Variants in ATF3 observed in about 807,000 individuals in gnomAD.
ATF3 encodes the protein activating transcription factor 3, also known as cyclic AMP-dependent transcription factor ATF-3.
ATF3 carries 10 observed loss-of-function variants against 18.4 expected under a neutral mutation model. The observed-to-expected ratio is 0.54, with a 90% CI of 0.34 to 0.92. ATF3 has a LOEUF of 0.92. Ranked by LOEUF, ATF3 falls within the 40% of genes least tolerant of loss-of-function variation. The pLI is 0.02. For synonymous variants in ATF3, 78 were observed against 87.9 expected (o/e 0.89, Z 0.63); for missense variants, 183 against 222.3 (o/e 0.82, Z 1.12).
chr1:212,614,996 TG>T, intron 1 of ATF3, 21 bp from the exon 2 acceptor site: 1 of 1,614,116 alleles, frequency 6.2e-7, no homozygotes, highest in South Asian at 1.1e-5. Context: ...TGAAACAGTT[TG>T]GGTTTCAATG....
Position 212,596,273 on chromosome 1 carries a change from A to G in ATF3, c.-4-18745A>G, listed in dbSNP as rs563365723. The stretch of plus-strand genomic sequence containing the variant: ...AGGCTAACTTTCCCCTGTGTAACAT[A>G]AGTGCCTACTGATCTTTATCACTAG... On this transcript the variant is annotated intron_variant, in intron 1 of 3. Transcript: ENST00000366981. Among the ~76,000 whole-genome samples, 3 of 152,354 alleles carry G rather than the reference A, an allele frequency of 2.0e-5. No individual in the cohort carries two copies. In the South Asian group the frequency reaches 6.2e-4, roughly 32 times the overall value.
chr1:212,590,669 A>G (rs1367895703), intron 1 of ATF3, among the ~76,000 whole-genome samples: 1 of 152,248 alleles, frequency 6.6e-6, no homozygotes, highest in African/African-American at 2.4e-5. Flanking sequence ...GTGTGAACAC[A>G]GAGCCATAAA....
At chr1:212,615,356 A>G (rs1399924394) in intron 2 of ATF3, 95 bp downstream of exon 2, 1 of 1,468,686 alleles carries the variant, frequency 6.8e-7, no homozygotes, top group Non-Finnish European at 9.2e-7. Context: ...TGTTGTTGAG[A>G]GTGAAACAAA....
At chr1:212,612,789 G>C (rs1654949801) in intron 1 of ATF3, among the ~76,000 whole-genome samples, 2 of 152,118 alleles carry the variant, frequency 1.3e-5, no homozygotes, top group African/African-American at 4.8e-5. Context: ...TTGAAGTCAG[G>C]GTATTCTATT....
intron 1 of ATF3, among the ~76,000 whole-genome samples, chr1:212,569,712 C>T (rs1392532974): frequency 6.6e-6 from 1 of 150,630 alleles, no homozygotes; most frequent in Non-Finnish European, 1.5e-5. Flanking sequence ...ACAGGAGTTC[C>T]AATTAATGTA....
chr1:212,586,757 AT>A (rs1664786492), intron 1 of ATF3, among the ~76,000 whole-genome samples: 1 of 152,232 alleles, frequency 6.6e-6, no homozygotes. Flanking sequence ...TTACCTTTGA[AT>A]TTTATGGGAA....
chr1:212,567,844 C>T (rs1029067261), intron 1 of ATF3, among the ~76,000 whole-genome samples: 4 of 152,096 alleles, frequency 2.6e-5, no homozygotes, highest in African/African-American at 4.8e-5. Context: ...TTCTGAGAGC[C>T]GTGGAGTGCA....
At chr1:212,580,050 G>A (rs567677069) in intron 1 of ATF3, among the ~76,000 whole-genome samples, 6 of 148,870 alleles carry the variant, frequency 4.0e-5, no homozygotes, top group African/African-American at 1.6e-4. Context: ...TGGAGGCTGA[G>A]GCAGGAGAAT....
intron 1 of ATF3, among the ~76,000 whole-genome samples, chr1:212,611,380 G>A (rs1654887978): frequency 1.3e-5 from 2 of 152,212 alleles, no homozygotes; most frequent in South Asian, 4.1e-4. Context: ...AGTCACAGTA[G>A]TAATGACTAC....
intron 1 of ATF3, among the ~76,000 whole-genome samples, chr1:212,590,611 T>C (rs1379647439): frequency 1.3e-5 from 2 of 152,182 alleles, no homozygotes; most frequent in Non-Finnish European, 2.9e-5. Context: ...CATATATTAC[T>C]TCAATTTTTA....
In ATF3 at chr1:212,619,728, CAGAGTGG is replaced by C; in HGVS notation, c.*174_*180del. 1.2e-6 allele frequency: 1 copy of C among 846,108 alleles called. No individual in the cohort carries two copies. Among genetic ancestry groups the C allele is most frequent in the Non-Finnish European group, 1.8e-6 (1 of 559,318 alleles). 52.4% of individuals were successfully genotyped at this position (846,108 alleles called of 1,614,324 possible). On this transcript the variant is annotated 3_prime_UTR_variant, in exon 4 of 4. Transcript: ENST00000341491. This position sits in a 1 kb window ranked among gnomAD's most constrained non-coding sequence, Gnocchi z 4.4. ...TCAGCAGGCCCTTCCCATTCTGCCC[CAGAGTGG>C]GTCTTGGACCAGGGCAAGTGCATCT...
chr1:212,580,662 G>A (rs1485425474), intron 1 of ATF3, among the ~76,000 whole-genome samples: 1 of 152,132 alleles, frequency 6.6e-6, no homozygotes. Context: ...CACTACTGAG[G>A]ACAAACATTA....
At position 212,587,365 on chromosome 1, in the gene ATF3, G is replaced by C. The variant is rs1269860498; in HGVS notation, c.-5+21882G>C. The stretch of plus-strand genomic sequence containing the variant: ...CCTGAGAACTAAAATATTCCTTTAT[G>C]ATATTGTTTCTATGGGAAAATATGT... On this transcript the variant is annotated intron_variant, in intron 1 of 3. Transcript: ENST00000366981. Among the ~76,000 whole-genome samples the C allele has an allele frequency of 3.9e-5, 6 of 152,296 alleles. No individual in the cohort carries two copies. In the South Asian group the frequency reaches 1.2e-3, roughly 32 times the overall value.
chr1:212,602,662 T>C (rs1319861758), intron 1 of ATF3, among the ~76,000 whole-genome samples: 1 of 152,216 alleles, frequency 6.6e-6, no homozygotes, highest in Non-Finnish European at 1.5e-5. Context: ...AAAATGGAGA[T>C]GTTTACGGTC....
intron 1 of ATF3, among the ~76,000 whole-genome samples, chr1:212,586,472 G>T (rs1664781945): frequency 6.6e-6 from 1 of 152,212 alleles, no homozygotes; most frequent in Non-Finnish European, 1.5e-5. Context: ...AGCACCAAGA[G>T]CAATGCCTGG....
intron 1 of ATF3, among the ~76,000 whole-genome samples, chr1:212,573,131 T>C (rs1664514767): frequency 6.6e-6 from 1 of 152,152 alleles, no homozygotes; most frequent in South Asian, 2.1e-4. Context: ...CCCTATTTCA[T>C]TGGTTAGAAC....
At chr1:212,571,977 G>T (rs1158099633) in intron 1 of ATF3, among the ~76,000 whole-genome samples, 47 of 151,856 alleles carry the variant, frequency 3.1e-4, no homozygotes, top group Admixed American at 3.1e-3. Flanking sequence ...CTCCCAAAGT[G>T]CTGGGATTAC....
intron 1 of ATF3, among the ~76,000 whole-genome samples, chr1:212,591,712 T>C (rs2102634360): frequency 6.6e-6 from 1 of 152,342 alleles, no homozygotes; most frequent in South Asian, 2.1e-4. Flanking sequence ...CTCATATACC[T>C]GAAATCCAGC....
chr1:212,569,172 G>T (rs75253824), intron 1 of ATF3, among the ~76,000 whole-genome samples: 1,666 of 151,068 alleles, frequency 0.011, 11 homozygotes, highest in Admixed American at 0.017. Flanking sequence ...CTCTCCCTCC[G>T]TCTTTTTCCT....
Sources: allele counts gnomAD v4.1 joint callset (sites outside exome capture counted in the v4.1 genomes callset), GRCh38; gene constraint gnomAD v4.1.1; non-coding constraint Gnocchi (gnomAD v3.1); transcripts MANE v1.5; gene names NCBI Gene and HGNC (gene_info 2026-07-23, HGNC 2026-07-21).